Variants in CPS1 observed in about 807,000 individuals in gnomAD.
CPS1 encodes carbamoyl-phosphate synthase [ammonia], mitochondrial.
In CPS1, 109 loss-of-function variants were observed where a neutral mutation model predicts 174.6. The ratio of observed to expected loss-of-function variants is 0.62; its 90% CI spans 0.53 to 0.73. CPS1 has a LOEUF of 0.73. Ranked by LOEUF, CPS1 falls within the 30% of genes least tolerant of loss-of-function variation. The pLI is 0.00. For synonymous variants in CPS1, 637 were observed against 632.0 expected, an observed-to-expected ratio of 1.01 and a Z score of -0.12; for missense variants, 1,689 against 1,821.9, an observed-to-expected ratio of 0.93 and a Z score of 1.33.
chr2:210,678,236 G>A lies in CPS1; in HGVS notation c.*251G>A, dbSNP rs1032114219. 24 of 538,542 alleles carry A rather than the reference G, an allele frequency of 4.5e-5. No homozygotes were observed. The Middle Eastern group carries it at 1.5e-3, about 34-fold the overall frequency. The allele number at this position is 538,542 out of a possible 1,614,324, so 33.4% of individuals were successfully genotyped here. On this transcript the variant is annotated 3_prime_UTR_variant, in exon 38 of 38. Coordinates refer to ENST00000233072, the MANE Select transcript of CPS1 (RefSeq NM_001875.5). ...TAATACTGTATTTTTGGTGGACTAG[G>A]CTTGCCTATGTGCTTATGTGTAGCT... is the stretch of plus-strand genomic sequence containing the variant.
At chr2:210,561,797 A>G (rs1024411097) in intron 1 of CPS1, among the ~76,000 whole-genome samples, 1 of 152,220 alleles carries the variant, frequency 6.6e-6, no homozygotes, top group Non-Finnish European at 1.5e-5. Flanking sequence ...AGTTGAACTT[A>G]TAAAAATATT....
rs3060429 is a variant in CPS1, at chr2:210,611,971, CTT to C, written c.2392-134_2392-133del. ...GAGAGAGGAAGAAAAAAAGGAACAC[CTT>C]TTTTTTTTTTTAATTTGAGAGGCTT... On this transcript the variant is annotated intron_variant, in intron 19 of 37. Coordinates refer to ENST00000233072, the MANE Select transcript of CPS1 (RefSeq NM_001875.5). 4,349 of 590,202 alleles carry C rather than the reference CTT, an allele frequency of 7.4e-3. 1 individual carries two copies. The highest frequency in any genetic ancestry group is 0.023 in the East Asian group (685 of 30,132). The allele number at this position is 590,202 out of a possible 1,614,324, so 36.6% of individuals were successfully genotyped here.
At chr2:210,659,008 G>A (rs1393514981) in intron 31 of CPS1, among the ~76,000 whole-genome samples, 2 of 152,116 alleles carry the variant, frequency 1.3e-5, no homozygotes, top group Non-Finnish European at 2.9e-5. Flanking sequence ...AATGTGTAGA[G>A]TAGTCATAAA....
intron 6 of CPS1, among the ~76,000 whole-genome samples, chr2:210,583,115 C>G (rs575662479): frequency 3.9e-5 from 6 of 152,208 alleles, no homozygotes; most frequent in African/African-American, 1.4e-4. Context: ...TAATCAGAAT[C>G]TGGGGGCATT....
intron 20 of CPS1, among the ~76,000 whole-genome samples, chr2:210,613,574 GTA>G (rs943050348): frequency 5.3e-5 from 8 of 150,750 alleles, no homozygotes; most frequent in Non-Finnish European, 7.4e-5. Flanking sequence ...GTGTGTGTGT[GTA>G]TATATATATA....
chr2:210,508,701 A>G (rs1695359216), intron 1 of CPS1, among the ~76,000 whole-genome samples: 1 of 152,240 alleles, frequency 6.6e-6, no homozygotes, highest in African/African-American at 2.4e-5. Flanking sequence ...AGGGGATATC[A>G]CCACTGATCC....
chr2:210,554,361 C>G (rs1226195913), upstream of CPS1, among the ~76,000 whole-genome samples: 1 of 151,220 alleles, frequency 6.6e-6, no homozygotes, highest in Non-Finnish European at 1.5e-5. Flanking sequence ...ACTCTCATGC[C>G]CACATTTCTC....
chr2:210,629,388 C>G (rs1423078920), intron 21 of CPS1, among the ~76,000 whole-genome samples: 2 of 151,956 alleles, frequency 1.3e-5, no homozygotes, highest in Non-Finnish European at 2.9e-5. Flanking sequence ...GATCTCGGCT[C>G]ACTGCAAGGT....
chr2:210,540,259 G>T (rs951990354), intron 1 of CPS1, among the ~76,000 whole-genome samples: 3 of 152,124 alleles, frequency 2.0e-5, no homozygotes, highest in African/African-American at 7.2e-5. Context: ...TTGCCTTCCT[G>T]TTGTAATAAT....
intron 31 of CPS1, 102 bp from the exon 32 acceptor site, chr2:210,660,382 TC>T: frequency 2.6e-6 from 3 of 1,143,982 alleles, no homozygotes; most frequent in Non-Finnish European, 1.3e-6. Flanking sequence ...CAAGAGCTGG[TC>T]CCCAGTTAAT....
At chr2:210,527,085 TAA>T (rs1307706062) in intron 1 of CPS1, among the ~76,000 whole-genome samples, 3 of 151,960 alleles carry the variant, frequency 2.0e-5, no homozygotes, top group African/African-American at 7.2e-5. Flanking sequence ...TTGATATTTT[TAA>T]GTTATTCAAT....
chr2:210,535,102 G>A (rs1559065865), intron 1 of CPS1, among the ~76,000 whole-genome samples: 1 of 152,136 alleles, frequency 6.6e-6, no homozygotes. Flanking sequence ...CTTTCCTCAG[G>A]GGATGCTCAA....
intron 1 of CPS1, among the ~76,000 whole-genome samples, chr2:210,480,902 A>T (rs549096208): frequency 1.3e-5 from 2 of 152,348 alleles, no homozygotes; most frequent in East Asian, 3.9e-4. Context: ...CATAGTACAG[A>T]ATTCATGGAT....
intron 1 of CPS1, among the ~76,000 whole-genome samples, chr2:210,531,101 C>G (rs1430909483): frequency 1.3e-5 from 2 of 152,008 alleles, no homozygotes; most frequent in Non-Finnish European, 2.9e-5. Flanking sequence ...TGAAAACTCT[C>G]CAGGACGTGA....
chr2:210,576,283 G>A (rs1697709453), intron 2 of CPS1, 63 bp from the exon 3 acceptor site: 6 of 1,534,490 alleles, frequency 3.9e-6, no homozygotes, highest in East Asian at 4.5e-5. Flanking sequence ...GAGCATGTAT[G>A]CAGATTATAG....
rs73984661 is a variant in CPS1 at position 210,633,719 on chromosome 2, A to G, written c.2688-3983A>G. Among the ~76,000 whole-genome samples the G allele has an allele frequency of 3.2e-3, 489 of 152,346 alleles. 4 individuals are homozygous for G. Among genetic ancestry groups the G allele is most frequent in the African/African-American group, 0.011 (467 of 41,584 alleles). ...GAAAACCTGACTGGTATTCCATGTAAGAAGGAATGCAAACAAATAATTAAA... is the reference window on the plus strand; with the variant it reads ...GAAAACCTGACTGGTATTCCATGTAGGAAGGAATGCAAACAAATAATTAAA... On this transcript the variant is annotated intron_variant, in intron 21 of 37. Coordinates refer to ENST00000233072, the MANE Select transcript of CPS1 (RefSeq NM_001875.5).
At chr2:210,655,736 G>C (rs1700683419) in intron 29 of CPS1, among the ~76,000 whole-genome samples, 1 of 152,180 alleles carries the variant, frequency 6.6e-6, no homozygotes, top group African/African-American at 2.4e-5. Context: ...AGAACAGAAG[G>C]ATGGAAACTC....
chr2:210,494,329 G>A (rs1694938691), intron 1 of CPS1, among the ~76,000 whole-genome samples: 1 of 152,138 alleles, frequency 6.6e-6, no homozygotes, highest in Non-Finnish European at 1.5e-5. Flanking sequence ...TAGACTTTAG[G>A]TGAAGGGATT....
intron 21 of CPS1, among the ~76,000 whole-genome samples, chr2:210,616,765 C>A (rs949664307): frequency 6.6e-6 from 1 of 151,432 alleles, no homozygotes; most frequent in African/African-American, 2.4e-5. Flanking sequence ...ATCTTCTATT[C>A]CCACCCTTGT....
Sources: gnomAD v4.1 joint callset for allele counts (sites outside exome capture counted in the v4.1 genomes callset) on GRCh38, gnomAD v4.1.1 for gene constraint, MANE v1.5 for transcripts, NCBI Gene and HGNC (gene_info 2026-07-23, HGNC 2026-07-21) for gene names.